The following NEDD4L variants were observed in gnomAD, a reference collection of about 807,000 sequenced individuals.
NEDD4L encodes the protein NEDD4 like E3 ubiquitin protein ligase, also known as E3 ubiquitin-protein ligase NEDD4-like.
In NEDD4L, 54 loss-of-function variants were observed where a neutral mutation model predicts 148.9. That is an observed-to-expected ratio of 0.36 (90% CI 0.29 to 0.45). The LOEUF (loss-of-function observed/expected upper bound fraction) is 0.45, where lower values mean the gene tolerates loss of function less well. Among genes scored for constraint, NEDD4L ranks in the 20% least tolerant of loss-of-function variants. The pLI is 1.00. For synonymous variants in NEDD4L, 433 were observed against 440.7 expected, an observed-to-expected ratio of 0.98 and a Z score of 0.22; for missense variants, 856 against 1,233.8, an observed-to-expected ratio of 0.69 and a Z score of 4.59.
At chr18:58,046,315 C>G (rs554325092) in intron 1 of NEDD4L, 1 of 151,692 alleles carries the variant, frequency 6.6e-6, no homozygotes, top group South Asian at 2.1e-4. Context: ...CTCTACTTCT[C>G]CATTTAATTA....
chr18:58,148,124 A>G (rs1431404405), intron 1 of NEDD4L, among the ~76,000 whole-genome samples: 3 of 149,776 alleles, frequency 2.0e-5, no homozygotes, highest in Admixed American at 6.6e-5. Flanking sequence ...AAAATACCCA[A>G]TTGGTGACTT....
At chr18:58,129,497 A>C (rs1435571625) in intron 1 of NEDD4L, among the ~76,000 whole-genome samples, 1 of 152,134 alleles carries the variant, frequency 6.6e-6, no homozygotes, top group Non-Finnish European at 1.5e-5. Flanking sequence ...AGAGCACCCA[A>C]CTTGGTTTTC....
intron 1 of NEDD4L, among the ~76,000 whole-genome samples, chr18:58,110,572 G>A (rs1224027024): frequency 6.6e-6 from 1 of 152,202 alleles, no homozygotes; most frequent in African/African-American, 2.4e-5. Flanking sequence ...TGTCCCAGAA[G>A]GTAGCCGTGC....
At position 58,341,018 on chromosome 18, in the gene NEDD4L, A is replaced by G. The variant is rs563752765; in HGVS notation, c.1126-20A>G. 1 of 1,599,730 alleles carries G rather than the reference A, an allele frequency of 6.3e-7. No individual in the cohort carries two copies. The highest frequency in any genetic ancestry group is 2.2e-5 in the East Asian group (1 of 44,494). On this transcript the variant is annotated intron_variant, in intron 13 of 30. Coordinates refer to ENST00000400345, the MANE Select transcript of NEDD4L (RefSeq NM_001144967.3). ...AACAAATGCAAGGTATTAAATAATA[A>G]TGATTTCTTGCACAAACAGCCATCA...
chr18:58,197,543 G>A (rs2040863415), intron 2 of NEDD4L, among the ~76,000 whole-genome samples: 1 of 152,118 alleles, frequency 6.6e-6, no homozygotes, highest in Non-Finnish European at 1.5e-5. Context: ...TTCAACTTGC[G>A]AACTCTCACC....
intron 20 of NEDD4L, among the ~76,000 whole-genome samples, chr18:58,364,793 G>A (rs1430244149): frequency 6.6e-6 from 1 of 152,184 alleles, no homozygotes; most frequent in East Asian, 1.9e-4. Context: ...ATAATTGGCA[G>A]TATTACGTCC....
rs2043808911 is a variant in NEDD4L at position 58,350,982 on chromosome 18, G to A, written c.1654-9G>A. 1 of 1,584,194 alleles carries A rather than the reference G, an allele frequency of 6.3e-7. No individual in the cohort carries two copies. The highest frequency in any genetic ancestry group is 8.6e-7 in the Non-Finnish European group (1 of 1,163,544). ...TATTTTCTCTCTCCCTTCCTTCCCC[G>A]GATACTAGCCTGGCTGGGAAGAAAG... On this transcript the variant is annotated splice_polypyrimidine_tract_variant and intron_variant, in intron 17 of 30. Transcript: ENST00000400345.
chr18:58,264,169 C>T (rs751189694), intron 5 of NEDD4L, among the ~76,000 whole-genome samples: 24 of 152,190 alleles, frequency 1.6e-4, no homozygotes, highest in Admixed American at 5.9e-4. Flanking sequence ...CTTCTTACTA[C>T]GGTAATTATC....
At chr18:58,156,433 G>A (rs568450484) in intron 1 of NEDD4L, among the ~76,000 whole-genome samples, 17 of 152,330 alleles carry the variant, frequency 1.1e-4, no homozygotes, top group South Asian at 2.1e-4. Flanking sequence ...AATTATTCCT[G>A]CGCTTTGTCT....
intron 1 of NEDD4L, among the ~76,000 whole-genome samples, chr18:58,135,442 G>A (rs547280072): frequency 6.6e-6 from 1 of 152,328 alleles, no homozygotes; most frequent in African/African-American, 2.4e-5. Flanking sequence ...TGTTGTGTTT[G>A]TGATGGCTCC....
intron 24 of NEDD4L, among the ~76,000 whole-genome samples, chr18:58,375,753 A>C (rs1302052045): frequency 6.6e-6 from 1 of 152,150 alleles, no homozygotes; most frequent in Admixed American, 6.5e-5. Context: ...GATGCCTGCC[A>C]GTGCTCATTG....
intron 5 of NEDD4L, among the ~76,000 whole-genome samples, chr18:58,252,663 A>G (rs1413216526): frequency 1.3e-5 from 2 of 152,238 alleles, no homozygotes; most frequent in Admixed American, 1.3e-4. Flanking sequence ...TGATGTATAT[A>G]TAATATGTTT....
intron 7 of NEDD4L, 79 bp downstream of exon 7, chr18:58,322,565 G>A: frequency 1.2e-6 from 1 of 842,750 alleles, no homozygotes; most frequent in Non-Finnish European, 1.9e-6. Flanking sequence ...TGCCCTGCGT[G>A]CTGTGGATAT....
chr18:58,067,343 T>C (rs1408753236), intron 1 of NEDD4L, among the ~76,000 whole-genome samples: 3 of 152,220 alleles, frequency 2.0e-5, no homozygotes, highest in Non-Finnish European at 4.4e-5. Context: ...GATCTCAGGC[T>C]TTGAAGAATG....
intron 1 of NEDD4L, among the ~76,000 whole-genome samples, chr18:58,127,071 T>G (rs1259712784): frequency 6.6e-6 from 1 of 152,258 alleles, no homozygotes; most frequent in Non-Finnish European, 1.5e-5. Flanking sequence ...TCTGCTTACC[T>G]GTTCATGCTC....
chr18:58,255,781 C>T (rs539345480), intron 5 of NEDD4L: 3 of 1,232,574 alleles, frequency 2.4e-6, no homozygotes, highest in South Asian at 8.2e-5. Context: ...CGCACCCCTT[C>T]GCCCAGAACG....
At chr18:58,094,936 C>G (rs991584407) in intron 1 of NEDD4L, among the ~76,000 whole-genome samples, 19 of 151,418 alleles carry the variant, frequency 1.3e-4, no homozygotes, top group Admixed American at 2.6e-4. Context: ...TTTCCCTGTT[C>G]ATGGCCTATG....
intron 16 of NEDD4L, among the ~76,000 whole-genome samples, chr18:58,344,798 T>A (rs374309998): frequency 6.6e-6 from 1 of 152,220 alleles, no homozygotes; most frequent in Non-Finnish European, 1.5e-5. Flanking sequence ...ATAGCACTGC[T>A]GTAATTTCAA....
chr18:58,259,994 C>G (rs183641265), intron 5 of NEDD4L, among the ~76,000 whole-genome samples: 13 of 151,998 alleles, frequency 8.6e-5, no homozygotes, highest in Admixed American at 2.6e-4. Flanking sequence ...TAATATTAGT[C>G]GATGTCTGTT....
Sources: allele counts gnomAD v4.1 joint callset (sites outside exome capture counted in the v4.1 genomes callset), GRCh38; gene constraint gnomAD v4.1.1; transcripts MANE v1.5; gene names NCBI Gene and HGNC (gene_info 2026-07-23, HGNC 2026-07-21).